Variants in USP10 observed in about 807,000 individuals in gnomAD.
The protein encoded by USP10 is ubiquitin specific peptidase 10.
A neutral mutation model predicts 84.5 loss-of-function variants in USP10; 22 were observed. The ratio of observed to expected loss-of-function variants is 0.26; its 90% confidence interval spans 0.19 to 0.37. The LOEUF is 0.37. Ranked by LOEUF, USP10 falls within the 10% of genes least tolerant of loss-of-function variation. USP10 has a pLI of 1.00. For missense variants in USP10, 1,019 were observed against 998.9 expected, an observed-to-expected ratio of 1.02 and a Z score of -0.27; for synonymous variants, 454 against 387.6, an observed-to-expected ratio of 1.17 and a Z score of -2.01.
intron 10 of USP10, 130 bp from the exon 11 acceptor site, chr16:84,768,063 C>T (rs1451482451): frequency 1.8e-6 from 2 of 1,113,966 alleles, no homozygotes; most frequent in African/African-American, 1.6e-5. Flanking sequence ...ATATTTTTGG[C>T]TTTTCTCTGT....
At chr16:84,765,827 C>T (rs1567645851) in intron 10 of USP10, among the ~76,000 whole-genome samples, 1 of 152,202 alleles carries the variant, frequency 6.6e-6, no homozygotes, top group Non-Finnish European at 1.5e-5. Context: ...TGCCAGTTCC[C>T]TTAAGCAGCT....
At chr16:84,775,282 A>G (rs1567655999) in intron 13 of USP10, 57 bp downstream of exon 13, 4 of 1,560,468 alleles carry the variant, frequency 2.6e-6, no homozygotes, top group Non-Finnish European at 3.5e-6. Context: ...AGGGGTTTAC[A>G]GCTGGGCACA....
Position 84,760,227 on chromosome 16 carries a change from A to T in USP10, c.1506A>T (p.Thr502=), listed in dbSNP as rs754095920. Residue 502 remains threonine (T), a synonymous_variant, in exon 8 of 14, where the codon ACA becomes ACT. Transcript: ENST00000219473. The stretch of plus-strand genomic sequence containing the variant: ...GCCCTGGAGCTGCCTTTGAGCCCAC[A>T]TATATTTACAGACTCCTGACAGTTA... ...DIRPGAAFEP[T]YIYRLLTVNK... 3.7e-6 allele frequency: 6 copies of T among 1,611,344 alleles called. No homozygotes were observed. The highest frequency in any genetic ancestry group is 1.7e-4 in the Middle Eastern group (1 of 6,058).
intron 11 of USP10, among the ~76,000 whole-genome samples, chr16:84,769,659 GTGCACTC>G (rs891778562): frequency 2.0e-5 from 3 of 152,168 alleles, no homozygotes; most frequent in Admixed American, 6.5e-5. Context: ...CTGGCTGCTG[GTGCACTC>G]TGCTTATGCT....
At chr16:84,732,131 G>A (rs1371435817) in intron 1 of USP10, among the ~76,000 whole-genome samples, 1 of 152,132 alleles carries the variant, frequency 6.6e-6, no homozygotes, top group African/African-American at 2.4e-5. Context: ...CGTTTTCCCT[G>A]TGCATTCTTA....
chr16:84,772,999 C>T (rs1426240815), intron 12 of USP10, among the ~76,000 whole-genome samples: 1 of 152,132 alleles, frequency 6.6e-6, no homozygotes, highest in African/African-American at 2.4e-5. Flanking sequence ...TTGCCTTCCA[C>T]CGAGTATTAA....
chr16:84,738,165 C>T lies in USP10; in HGVS notation c.91-2144C>T, dbSNP rs77635249. Among the ~76,000 whole-genome samples the T allele has an allele frequency of 3.6e-3, 545 of 152,226 alleles. 3 individuals carry two copies. The highest frequency in any genetic ancestry group is 0.012 in the African/African-American group (511 of 41,520). On this transcript the variant is annotated intron_variant, in intron 2 of 13. Coordinates refer to ENST00000219473, the MANE Select transcript of USP10 (RefSeq NM_005153.3). ...GTCTTCCCAGCCTGCTGCAGTCTCT[C>T]GGGTCTGGAGGTTTCCTTCAGCATT... is the stretch of plus-strand genomic sequence containing the variant.
chr16:84,753,868 C>T (rs985369758), intron 4 of USP10, among the ~76,000 whole-genome samples: 1 of 152,146 alleles, frequency 6.6e-6, no homozygotes, highest in South Asian at 2.1e-4. Context: ...GCCTTGCCTT[C>T]AGGGTAGTCT....
rs76029916 is a variant in USP10 at position 84,759,518 on chromosome 16, G to T, written c.1394+46G>T. ...TGTGTTAAGTGGTGGGGTTTTTCCC[G>T]TCTGATAATTAGAATTGAAATAGTT... On this transcript the variant is annotated intron_variant, in intron 6 of 13. Coordinates refer to ENST00000219473, the MANE Select transcript of USP10 (RefSeq NM_005153.3). 8.0e-4 allele frequency: 1,207 copies of T among 1,518,166 alleles called. 8 individuals carry two copies. In the African/African-American group the frequency reaches 0.014, roughly 18 times the overall value. 94.0% of individuals were successfully genotyped at this position (1,518,166 alleles called of 1,614,324 possible).
intron 13 of USP10, among the ~76,000 whole-genome samples, chr16:84,777,040 G>C (rs1046838895): frequency 6.6e-6 from 1 of 152,216 alleles, no homozygotes; most frequent in Non-Finnish European, 1.5e-5. Context: ...AGCCTATTCT[G>C]ATCTTGGAAA....
intron 2 of USP10, among the ~76,000 whole-genome samples, chr16:84,738,740 A>G (rs1451391511): frequency 2.6e-5 from 4 of 152,216 alleles, no homozygotes; most frequent in Admixed American, 2.0e-4. Flanking sequence ...CCTGTTTGTC[A>G]TAATTCTCTG....
chr16:84,775,741 AT>A (rs932533324), intron 13 of USP10, among the ~76,000 whole-genome samples: 1 of 152,162 alleles, frequency 6.6e-6, no homozygotes, highest in African/African-American at 2.4e-5. Flanking sequence ...AACAGGGTGA[AT>A]GGCACCCCCT....
At chr16:84,720,247 C>T (rs780214525) in intron 1 of USP10, among the ~76,000 whole-genome samples, 139 of 152,272 alleles carry the variant, frequency 9.1e-4, no homozygotes, top group Non-Finnish European at 1.7e-3. Flanking sequence ...ATGTGCGTTC[C>T]TTCCTGGCGG....
At chr16:84,738,644 C>T (rs1177399899) in intron 2 of USP10, among the ~76,000 whole-genome samples, 1 of 152,184 alleles carries the variant, frequency 6.6e-6, no homozygotes, top group Non-Finnish European at 1.5e-5. Flanking sequence ...CAACGTGATG[C>T]GTACTAGGTT....
chr16:84,732,400 C>T (rs1909341727), intron 1 of USP10: 1 of 389,562 alleles, frequency 2.6e-6, no homozygotes, highest in Non-Finnish European at 4.9e-6. Flanking sequence ...CATTGCTTCT[C>T]CGTTGTGGAA....
At chr16:84,757,853 T>G (rs1335107036) in intron 4 of USP10, among the ~76,000 whole-genome samples, 3 of 152,198 alleles carry the variant, frequency 2.0e-5, no homozygotes, top group African/African-American at 7.2e-5. Context: ...GTCAAAGTGG[T>G]GGTACTCCTA....
intron 1 of USP10, among the ~76,000 whole-genome samples, chr16:84,727,530 C>A: frequency 6.6e-6 from 1 of 152,062 alleles, no homozygotes. Context: ...TGAAAAGTTG[C>A]GGAAAGAAAA....
chr16:84,776,047 C>G (rs1418673690), intron 13 of USP10, among the ~76,000 whole-genome samples: 6 of 152,174 alleles, frequency 3.9e-5, no homozygotes, highest in African/African-American at 1.4e-4. Context: ...ATAACACTGC[C>G]ATTTATTGAC....
At chr16:84,709,153 T>C (rs929945053) in intron 1 of USP10, 2 of 152,372 alleles carry the variant, frequency 1.3e-5, no homozygotes, top group Middle Eastern at 3.4e-3. Context: ...GAGGAGTTTA[T>C]GGGTCCATTG....
Sources: gnomAD v4.1 joint callset for allele counts (sites outside exome capture counted in the v4.1 genomes callset) on GRCh38, gnomAD v4.1.1 for gene constraint, MANE v1.5 for transcripts, NCBI Gene and HGNC (gene_info 2026-07-23, HGNC 2026-07-21) for gene names.